The following ADAM32 variants were observed in gnomAD, a reference collection of about 807,000 sequenced individuals.
The protein encoded by ADAM32 is disintegrin and metalloproteinase domain-containing protein 32.
ADAM32 carries 89 observed loss-of-function variants against 114.9 expected under a neutral mutation model. The observed-to-expected ratio is 0.77, with a 90% CI of 0.65 to 0.92. The LOEUF (loss-of-function observed/expected upper bound fraction) is 0.92. ADAM32 is among the 40% of genes least tolerant of loss of function. The probability of loss-of-function intolerance (pLI) is 0.00; values close to 1 mark genes in which losing one functional copy is unlikely to be tolerated. For missense variants in ADAM32, 870 were observed against 932.8 expected (o/e 0.93, Z 0.88); for synonymous variants, 285 against 307.5 (o/e 0.93, Z 0.77).
At chr8:39,199,812 C>T (rs570535487) in intron 11 of ADAM32, among the ~76,000 whole-genome samples, 2 of 150,640 alleles carry the variant, frequency 1.3e-5, no homozygotes, top group Non-Finnish European at 1.5e-5. Context: ...TGATGGTCCC[C>T]TTCCTGTGTC....
rs757123331 is a variant in ADAM32, at chr8:39,118,047, G to A, written c.59-39G>A. The A allele has an allele frequency of 1.6e-5, 20 of 1,270,268 alleles. 2 individuals are homozygous for A. The South Asian group carries it at 3.0e-4, about 19-fold the overall frequency. 78.7% of individuals were successfully genotyped at this position (1,270,268 alleles called of 1,614,324 possible). On this transcript the variant is annotated intron_variant, in intron 1 of 24. Coordinates refer to ENST00000379907, the MANE Select transcript of ADAM32 (RefSeq NM_145004.7). ...CTGAACAGATATTTAATCAAATTAA[G>A]GCAAGGTTACTAACTTTTTTTTTTT...
At position 39,147,128 on chromosome 8, in the gene ADAM32, A is replaced by G. The variant is rs1354492610; in HGVS notation, c.201-2A>G. ...AAAAATTTCCTCTTTTTTTATATTC[A>G]GATATTTTTTAGCAGATAATTTTAT... On this transcript the variant is annotated splice_acceptor_variant, in intron 3 of 24. Transcript: ENST00000379907. LOFTEE classifies it high-confidence loss of function. 1.8e-5 allele frequency: 17 copies of G among 966,810 alleles called. No homozygotes were observed. Among genetic ancestry groups the G allele is most frequent in the African/African-American group, 3.4e-5 (2 of 59,572 alleles). The allele number at this position is 966,810 out of a possible 1,614,324, so 59.9% of individuals were successfully genotyped here.
At chr8:39,249,043 C>T (rs2129450219) in intron 17 of ADAM32, among the ~76,000 whole-genome samples, 1 of 151,868 alleles carries the variant, frequency 6.6e-6, no homozygotes, top group East Asian at 1.9e-4. Flanking sequence ...GGTGGGACTA[C>T]AGGGGTCCTG....
Position 39,275,851 on chromosome 8 carries a change from A to G in ADAM32, c.2264A>G (p.Gln755Arg). 1 of 1,561,714 alleles carries G rather than the reference A, an allele frequency of 6.4e-7. No homozygotes were observed. The highest frequency in any genetic ancestry group is 8.7e-7 in the Non-Finnish European group (1 of 1,152,190). ...ASQTRSESSSQADTSKSKSED... is the reference protein window; with the variant it reads ...ASQTRSESSSRADTSKSKSED... ...AGAACCAGATCAGAAAGCAGCAGTC[A>G]AGCTGATACTAGCAAGTAAGTGAAT... Residue 755 changes from glutamine to arginine, a missense_variant, in exon 22 of 25, where the codon CAA becomes CGA. By Grantham distance (43) the Gln-to-Arg change is conservative. Coordinates refer to ENST00000379907, the MANE Select transcript of ADAM32 (RefSeq NM_145004.7).
At chr8:39,219,759 C>A (rs1355026682) in intron 12 of ADAM32, among the ~76,000 whole-genome samples, 1 of 152,086 alleles carries the variant, frequency 6.6e-6, no homozygotes, top group African/African-American at 2.4e-5. Context: ...TTTGAGATAT[C>A]TTCTTGGTAT....
At chr8:39,179,450 G>A (rs1297464595) in intron 10 of ADAM32, among the ~76,000 whole-genome samples, 2 of 152,188 alleles carry the variant, frequency 1.3e-5, no homozygotes, top group Non-Finnish European at 2.9e-5. Flanking sequence ...TGCATGAATG[G>A]ATCTCCCGCC....
Position 39,213,426 on chromosome 8 carries a change from C to G in ADAM32, c.1233+2102C>G, listed in dbSNP as rs759560749. Among the ~76,000 whole-genome samples the G allele has an allele frequency of 5.6e-3, 858 of 151,964 alleles. 4 individuals carry two copies. The highest frequency in any genetic ancestry group is 9.3e-3 in the Admixed American group (142 of 15,248). ...GTACTATTGAGTGCTAGCACTAATC[C>G]CTTCCATTTACCTGTATTTTAGATC... On this transcript the variant is annotated intron_variant, in intron 12 of 24. Coordinates refer to ENST00000379907, the MANE Select transcript of ADAM32 (RefSeq NM_145004.7).
rs11343568 is a variant in ADAM32 at position 39,111,720 on chromosome 8, C to CAAA, written c.58+3907_58+3909dup. Among the ~76,000 whole-genome samples, 604 of 78,296 alleles carry CAAA rather than the reference C, an allele frequency of 7.7e-3. 7 individuals are homozygous for CAAA. Among genetic ancestry groups the CAAA allele is most frequent in the African/African-American group, 0.028 (589 of 21,220 alleles). The allele number at this position is 78,296 out of a possible 152,430, so 51.4% of individuals were successfully genotyped here. On this transcript the variant is annotated intron_variant, in intron 1 of 24. Coordinates refer to ENST00000379907, the MANE Select transcript of ADAM32 (RefSeq NM_145004.7). ...TGGGCAACAGAGCAAGACTCTTTCTCAAAAAAAAAAAAAAAAAAAAAAGGA... is the reference window on the plus strand; with the variant it reads ...TGGGCAACAGAGCAAGACTCTTTCTCAAAAAAAAAAAAAAAAAAAAAAAAAGGA...
At chr8:39,170,085 A>C in intron 10 of ADAM32, 88 bp downstream of exon 10, 1 of 1,012,822 alleles carries the variant, frequency 9.9e-7, no homozygotes, top group East Asian at 2.8e-5. Context: ...ATTTATGTGC[A>C]TGTTTCCATT....
At chr8:39,220,431 A>G (rs183173403) in intron 12 of ADAM32, among the ~76,000 whole-genome samples, 1 of 151,732 alleles carries the variant, frequency 6.6e-6, no homozygotes, top group Admixed American at 6.6e-5. Flanking sequence ...GCTTGGATCT[A>G]TATTATTTCT....
At chr8:39,280,789 T>G (rs1440851075) in intron 22 of ADAM32, among the ~76,000 whole-genome samples, 1 of 152,030 alleles carries the variant, frequency 6.6e-6, no homozygotes, top group African/African-American at 2.4e-5. Flanking sequence ...TTATGTTTAT[T>G]TTTATTTTTT....
chr8:39,257,323 A>G lies in ADAM32; in HGVS notation c.2142A>G (p.Glu714=), dbSNP rs751333462. 8.1e-6 allele frequency: 13 copies of G among 1,613,260 alleles called. No individual in the cohort carries two copies. In the South Asian group the frequency reaches 1.4e-4, roughly 18 times the overall value. Residue 714 remains glutamate (E), a synonymous_variant, in exon 19 of 25, where the codon GAA becomes GAG. Coordinates refer to ENST00000379907, the MANE Select transcript of ADAM32 (RefSeq NM_145004.7). The part of the protein sequence containing the change: ...RKQLKKWFAK[E]EEFPSSESKS... ...AGTTGAAAAAGTGGTTCGCCAAGGA[A>G]GAGGAATTCCCAAGTAGCGAGTAAA...
intron 10 of ADAM32, among the ~76,000 whole-genome samples, chr8:39,176,420 T>C (rs1283754130): frequency 1.3e-5 from 2 of 152,230 alleles, no homozygotes; most frequent in Non-Finnish European, 2.9e-5. Context: ...AACTTCTTGA[T>C]ATCTGGCTTA....
chr8:39,236,606 T>G (rs1810160862), intron 16 of ADAM32, among the ~76,000 whole-genome samples: 2 of 152,184 alleles, frequency 1.3e-5, no homozygotes, highest in African/African-American at 2.4e-5. Context: ...TGTACCACTG[T>G]GCATAACCTA....
chr8:39,185,881 C>CTTT (rs35894360), intron 10 of ADAM32, among the ~76,000 whole-genome samples: 1 of 148,092 alleles, frequency 6.8e-6, no homozygotes, highest in Admixed American at 6.7e-5. Context: ...GTCATTAAAA[C>CTTT]TTTTTTTTTT....
intron 10 of ADAM32, among the ~76,000 whole-genome samples, chr8:39,183,002 G>A (rs917580182): frequency 1.7e-4 from 26 of 152,174 alleles, no homozygotes; most frequent in Non-Finnish European, 2.9e-4. Context: ...GCTGTGCTCC[G>A]TGGTCTAGTG....
intron 3 of ADAM32, among the ~76,000 whole-genome samples, chr8:39,141,908 CTCT>C (rs1803183320): frequency 6.6e-6 from 1 of 152,162 alleles, no homozygotes; most frequent in African/African-American, 2.4e-5. Context: ...GGATAGTTAG[CTCT>C]TCTTGTTGAA....
intron 2 of ADAM32, among the ~76,000 whole-genome samples, chr8:39,126,567 A>T (rs1802128280): frequency 6.6e-6 from 1 of 152,150 alleles, no homozygotes; most frequent in South Asian, 2.1e-4. Context: ...TAGCCTAAGA[A>T]GCTTTTGGGC....
chr8:39,216,691 A>G (rs1808590455), intron 12 of ADAM32, among the ~76,000 whole-genome samples: 1 of 152,064 alleles, frequency 6.6e-6, no homozygotes, highest in Non-Finnish European at 1.5e-5. Context: ...ATAGCAATTT[A>G]ACACTGTGCA....
Sources: allele counts gnomAD v4.1 joint callset (sites outside exome capture counted in the v4.1 genomes callset), GRCh38; gene constraint gnomAD v4.1.1; transcripts MANE v1.5; gene names NCBI Gene and HGNC (gene_info 2026-07-23, HGNC 2026-07-21).